TMEM132D: variants seen among roughly 807,000 people sequenced by gnomAD.
TMEM132D encodes the protein mature OL transmembrane protein.
Under a neutral mutation model 62.3 loss-of-function variants are expected in TMEM132D, and 21 were observed. That is an observed-to-expected ratio of 0.34 (90% CI 0.24 to 0.49). The LOEUF is 0.49. Among genes scored for constraint, TMEM132D ranks in the 20% least tolerant of loss-of-function variants. The pLI is 0.99. For missense variants in TMEM132D, 1,346 were observed against 1,402.8 expected (o/e 0.96, Z 0.65); for synonymous variants, 621 against 575.6 (o/e 1.08, Z -1.13).
At chr12:129,300,176 G>A (rs1203102787) in intron 4 of TMEM132D, among the ~76,000 whole-genome samples, 1 of 152,188 alleles carries the variant, frequency 6.6e-6, no homozygotes, top group Non-Finnish European at 1.5e-5. Context: ...ACTTGAGCCA[G>A]CTACTTAATT....
In TMEM132D at chr12:129,594,497, C is replaced by T. The variant is rs548608218; in HGVS notation, c.969-63292G>A. Among the ~76,000 whole-genome samples, 6 of 152,320 alleles carry T rather than the reference C, an allele frequency of 3.9e-5. No homozygotes were observed. The South Asian group carries it at 1.2e-3, about 32-fold the overall frequency. ...AATGTAAAAAGGGATATTTCACATA[C>T]TGTCCATTAAGCCAAAATGTATAGA... is the stretch of plus-strand genomic sequence containing the variant. On this transcript the variant is annotated intron_variant, in intron 2 of 8. Coordinates refer to ENST00000422113, the MANE Select transcript of TMEM132D (RefSeq NM_133448.3).
At chr12:129,208,789 A>G (rs901958461) in intron 5 of TMEM132D, 1 of 151,714 alleles carries the variant, frequency 6.6e-6, no homozygotes, top group African/African-American at 2.4e-5. Context: ...AGCCTGGGGA[A>G]CCCATTTATC....
At chr12:129,530,918 C>T in intron 3 of TMEM132D, 141 bp downstream of exon 3, 3 of 840,004 alleles carry the variant, frequency 3.6e-6, no homozygotes, top group Non-Finnish European at 5.4e-6. Flanking sequence ...ATTCATCTAC[C>T]TGGAGGCCCT....
chr12:129,562,688 G>A (rs1054719832), intron 2 of TMEM132D, among the ~76,000 whole-genome samples: 1 of 152,136 alleles, frequency 6.6e-6, no homozygotes, highest in Non-Finnish European at 1.5e-5. Context: ...CTAAGACTGT[G>A]TGTGCAAGAA....
At chr12:129,328,760 G>A (rs1242813594) in intron 4 of TMEM132D, among the ~76,000 whole-genome samples, 3 of 151,906 alleles carry the variant, frequency 2.0e-5, no homozygotes, top group Non-Finnish European at 2.9e-5. Context: ...AACAGCCTAC[G>A]CTCTGTTTCC....
At chr12:129,279,012 C>T (rs1190864186) in intron 4 of TMEM132D, among the ~76,000 whole-genome samples, 2 of 152,068 alleles carry the variant, frequency 1.3e-5, no homozygotes, top group South Asian at 4.1e-4. Flanking sequence ...GGATTCCAGC[C>T]GGTGTGGCAG....
chr12:129,705,667 T>C (rs1224826424), intron 1 of TMEM132D, among the ~76,000 whole-genome samples: 2 of 152,150 alleles, frequency 1.3e-5, no homozygotes, highest in African/African-American at 4.8e-5. Context: ...ACCAGAAGGT[T>C]AATCAAAGTG....
At chr12:129,584,539 G>A (rs1011755520) in intron 2 of TMEM132D, among the ~76,000 whole-genome samples, 7 of 152,142 alleles carry the variant, frequency 4.6e-5, no homozygotes, top group African/African-American at 9.7e-5. Flanking sequence ...CCTCTGGTTC[G>A]TGGCAAGCAT....
At chr12:129,121,505 C>A (rs116435476) in intron 5 of TMEM132D, among the ~76,000 whole-genome samples, 1 of 152,166 alleles carries the variant, frequency 6.6e-6, no homozygotes, top group South Asian at 2.1e-4. Flanking sequence ...AAAGAAGATA[C>A]GAAGATGGAT....
chr12:129,903,199 C>A lies in TMEM132D; in HGVS notation c.79+62G>T. On this transcript the variant is annotated intron_variant, in intron 1 of 8. Coordinates refer to ENST00000422113, the MANE Select transcript of TMEM132D (RefSeq NM_133448.3). The surrounding 1 kb of genome is among the most constrained non-coding windows in gnomAD (Gnocchi z 6.2). The stretch of plus-strand genomic sequence containing the variant: ...CCCGGCCGCCCCCATCCTCCACACA[C>A]TCCCACACACTCACTCCAGGCGAAG... 3 of 1,524,316 alleles carry A rather than the reference C, an allele frequency of 2.0e-6. No homozygotes were observed. The highest frequency in any genetic ancestry group is 2.7e-6 in the Non-Finnish European group (3 of 1,122,768). 94.4% of individuals were successfully genotyped at this position (1,524,316 alleles called of 1,614,324 possible). A position where few individuals can be genotyped will look rare whatever the true frequency, so the allele number is the denominator to read the frequency against.
At chr12:129,681,771 T>A (rs982578302) in intron 2 of TMEM132D, among the ~76,000 whole-genome samples, 2 of 152,106 alleles carry the variant, frequency 1.3e-5, no homozygotes, top group African/African-American at 4.8e-5. Flanking sequence ...CTATCTCCAA[T>A]CCAACACACT....
chr12:129,288,011 AT>A (rs1332915748), intron 4 of TMEM132D, among the ~76,000 whole-genome samples: 1 of 152,174 alleles, frequency 6.6e-6, no homozygotes, highest in Non-Finnish European at 1.5e-5. Context: ...CTTTCTCAAG[AT>A]TGTTTTGACT....
At chr12:129,504,616 T>C (rs2137069708) in intron 3 of TMEM132D, among the ~76,000 whole-genome samples, 1 of 152,350 alleles carries the variant, frequency 6.6e-6, no homozygotes, top group South Asian at 2.1e-4. Flanking sequence ...TTTTCTCTCT[T>C]CTTGGTTAAT....
At chr12:129,792,058 G>A (rs1030534781) in intron 1 of TMEM132D, among the ~76,000 whole-genome samples, 9 of 152,126 alleles carry the variant, frequency 5.9e-5, no homozygotes, top group African/African-American at 2.2e-4. Flanking sequence ...ACATCTCAGG[G>A]GGCCATTCAC....
At chr12:129,167,249 G>T (rs1877592412) in intron 5 of TMEM132D, among the ~76,000 whole-genome samples, 1 of 151,940 alleles carries the variant, frequency 6.6e-6, no homozygotes, top group African/African-American at 2.4e-5. Context: ...AGAATGCTGA[G>T]ACGAGGAGGC....
chr12:129,284,987 T>C (rs968640670), intron 4 of TMEM132D, among the ~76,000 whole-genome samples: 2 of 152,220 alleles, frequency 1.3e-5, no homozygotes, highest in South Asian at 4.1e-4. Context: ...TGGAGAGAGA[T>C]GTTTGCACAG....
chr12:129,168,301 A>C (rs201033037), intron 5 of TMEM132D, among the ~76,000 whole-genome samples: 1 of 152,136 alleles, frequency 6.6e-6, no homozygotes, highest in East Asian at 1.9e-4. Context: ...CACATACCAC[A>C]CAAATTATCC....
At chr12:129,314,030 G>A (rs1868399570) in intron 4 of TMEM132D, among the ~76,000 whole-genome samples, 1 of 152,052 alleles carries the variant, frequency 6.6e-6, no homozygotes, top group Non-Finnish European at 1.5e-5. Context: ...GTCTATTCAT[G>A]TCCTTAGCCC....
intron 1 of TMEM132D, among the ~76,000 whole-genome samples, chr12:129,795,140 A>T (rs1252209424): frequency 6.6e-6 from 1 of 152,220 alleles, no homozygotes; most frequent in Non-Finnish European, 1.5e-5. Flanking sequence ...TAACCACTTA[A>T]CATGATACTC....
Sources: allele counts gnomAD v4.1 joint callset (sites outside exome capture counted in the v4.1 genomes callset), GRCh38; gene constraint gnomAD v4.1.1; non-coding constraint Gnocchi (gnomAD v3.1); transcripts MANE v1.5; gene names NCBI Gene and HGNC (gene_info 2026-07-23, HGNC 2026-07-21).